The following CACNA1A variants were observed in gnomAD, a reference collection of about 807,000 sequenced individuals.
CACNA1A encodes the protein voltage-dependent P/Q-type calcium channel subunit alpha-1A.
Under a neutral mutation model 262.4 loss-of-function variants are expected in CACNA1A, and 57 were observed. That is an observed-to-expected ratio of 0.22 (90% CI 0.18 to 0.27). The LOEUF is 0.27. CACNA1A is among the 10% of genes least tolerant of loss of function. The pLI, the probability that CACNA1A is intolerant of heterozygous loss-of-function variation, is 1.00. For missense variants in CACNA1A, 2,526 were observed against 3,562.8 expected (o/e 0.71, Z 7.41); for synonymous variants, 1,431 against 1,419.3 (o/e 1.01, Z -0.18).
chr19:13,403,545 A>G (rs889712736), intron 3 of CACNA1A, among the ~76,000 whole-genome samples: 2 of 152,134 alleles, frequency 1.3e-5, no homozygotes, highest in South Asian at 2.1e-4. Context: ...AACCCAAACC[A>G]GAGGTGTTCA....
chr19:13,506,244 T>C lies in CACNA1A; in HGVS notation c.-20A>G, dbSNP rs887673504. Reference sequence around the variant, plus strand: ...GGCCATTCTGCAAAGAGCAAAGGGCTCCGGGTTACGCTGCGGCGAACGATG... The same window carrying C: ...GGCCATTCTGCAAAGAGCAAAGGGCCCCGGGTTACGCTGCGGCGAACGATG... On this transcript the variant is annotated 5_prime_UTR_variant, in exon 1 of 47. Transcript: ENST00000360228. 3.5e-6 allele frequency: 5 copies of C among 1,438,512 alleles called. No homozygotes were observed. The South Asian group carries it at 4.5e-5, about 13-fold the overall frequency. 89.1% of individuals were successfully genotyped at this position (1,438,512 alleles called of 1,614,324 possible).
chr19:13,467,735 G>GA (rs1461047738), intron 1 of CACNA1A, among the ~76,000 whole-genome samples: 3 of 151,550 alleles, frequency 2.0e-5, no homozygotes, highest in African/African-American at 7.3e-5. Flanking sequence ...CTCCCGAGTA[G>GA]CTGGGATTAC....
intron 8 of CACNA1A, among the ~76,000 whole-genome samples, chr19:13,333,476 C>A (rs1488577864): frequency 6.6e-6 from 1 of 152,090 alleles, no homozygotes; most frequent in East Asian, 1.9e-4. Flanking sequence ...ACTCTGTTGC[C>A]CAGGCTGGAG....
chr19:13,274,620 A>T (rs1422083263), intron 24 of CACNA1A: 3 of 152,254 alleles, frequency 2.0e-5, no homozygotes, highest in Non-Finnish European at 4.4e-5. Context: ...CAACTTCAGG[A>T]ATGTACTGCT....
chr19:13,379,625 A>G (rs1301824388), intron 3 of CACNA1A, among the ~76,000 whole-genome samples: 2 of 152,202 alleles, frequency 1.3e-5, no homozygotes, highest in East Asian at 3.9e-4. Flanking sequence ...CAAACAGTTC[A>G]GTGTTAAAAG....
At chr19:13,239,749 T>G in intron 31 of CACNA1A, among the ~76,000 whole-genome samples, 1 of 147,446 alleles carries the variant, frequency 6.8e-6, no homozygotes, top group Non-Finnish European at 1.5e-5. Flanking sequence ...TGTACTGGAG[T>G]GGGGGTACAG....
intron 45 of CACNA1A, 148 bp downstream of exon 45, chr19:13,209,164 G>T: frequency 3.8e-6 from 5 of 1,319,316 alleles, no homozygotes; most frequent in Admixed American, 2.4e-5. Context: ...TAGTACCCAG[G>T]TTCCTGCAGC....
chr19:13,332,642 T>C (rs1375538856), intron 9 of CACNA1A, among the ~76,000 whole-genome samples: 1 of 151,950 alleles, frequency 6.6e-6, no homozygotes, highest in Non-Finnish European at 1.5e-5. Context: ...ATTTTGCAGA[T>C]GAGAAAAACC....
chr19:13,271,214 G>GTTCTTTTTT (rs2057009044), intron 24 of CACNA1A: 1 of 80,438 alleles, frequency 1.2e-5, no homozygotes, highest in African/African-American at 5.3e-5. Context: ...TCATTCTGCT[G>GTTCTTTTTT]TTTTTTTTTT....
At chr19:13,262,187 G>A (rs2056748913) in intron 25 of CACNA1A, 1 of 156,300 alleles carries the variant, frequency 6.4e-6, no homozygotes, top group Middle Eastern at 3.1e-3. Flanking sequence ...GATTACGGGT[G>A]TGACTTGATT....
At chr19:13,290,095 ATT>A (rs34860973) in intron 19 of CACNA1A, among the ~76,000 whole-genome samples, 18 of 140,244 alleles carry the variant, frequency 1.3e-4, no homozygotes, top group African/African-American at 3.9e-4. Flanking sequence ...CACCCGGCTA[ATT>A]TTTTTTTTTT....
At chr19:13,390,027 G>T (rs1009765044) in intron 3 of CACNA1A, among the ~76,000 whole-genome samples, 4 of 150,966 alleles carry the variant, frequency 2.6e-5, no homozygotes, top group South Asian at 2.1e-4. Context: ...GTTAGCCAGG[G>T]TGGTCTCGAT....
intron 3 of CACNA1A, among the ~76,000 whole-genome samples, chr19:13,439,659 C>T (rs1310791706): frequency 6.6e-6 from 1 of 152,066 alleles, no homozygotes; most frequent in Non-Finnish European, 1.5e-5. Context: ...GATCTGCCCG[C>T]CTCGGCCTCC....
intron 3 of CACNA1A, among the ~76,000 whole-genome samples, chr19:13,388,231 G>C (rs11669811): frequency 7.2e-6 from 1 of 139,300 alleles, no homozygotes; most frequent in Non-Finnish European, 1.5e-5. Flanking sequence ...TTGAAAAAAC[G>C]ATTTCTTCCT....
intron 29 of CACNA1A, among the ~76,000 whole-genome samples, 165 bp downstream of exon 29, chr19:13,254,930 T>A (rs2056504287): frequency 6.7e-6 from 1 of 149,288 alleles, no homozygotes; most frequent in Non-Finnish European, 1.5e-5. Flanking sequence ...GCCGGGGGAG[T>A]GGTGGGAACA....
At chr19:13,466,911 T>TATTTATTTATTTA (rs1489312586) in intron 1 of CACNA1A, among the ~76,000 whole-genome samples, 3 of 151,782 alleles carry the variant, frequency 2.0e-5, no homozygotes, top group Non-Finnish European at 4.4e-5. Flanking sequence ...TTTATTTATT[T>TATTTATTTATTTA]ATTTGTAGAG....
chr19:13,298,694 C>A lies in CACNA1A; in HGVS notation c.2939G>T (p.Arg980Leu). Reference sequence around the variant, plus strand: ...GCCCCGGGCCGGCCGGCTGCCCTCGCGGTGCCGCGCCCTCCGCTCCGCCTT... The same window carrying A: ...GCCCCGGGCCGGCCGGCTGCCCTCGAGGTGCCGCGCCCTCCGCTCCGCCTT... ...EDKAERRARH[R>L]EGSRPARGGE... Residue 980 changes from arginine (R) to leucine (L), a missense_variant, in exon 19 of 47, where the codon CGC becomes CTC. Physicochemically the swap from Arg to Leu is moderately radical, Grantham distance 102. Coordinates refer to ENST00000360228, the MANE Select transcript of CACNA1A (RefSeq NM_001127222.2). The A allele has an allele frequency of 6.9e-7, 1 of 1,443,110 alleles. No individual in the cohort carries two copies. The highest frequency in any genetic ancestry group is 1.5e-5 in the South Asian group (1 of 68,894). The allele number at this position is 1,443,110 out of a possible 1,614,324, so 89.4% of individuals were successfully genotyped here.
chr19:13,500,623 T>C (rs1245414370), intron 1 of CACNA1A, among the ~76,000 whole-genome samples: 1 of 152,190 alleles, frequency 6.6e-6, no homozygotes, highest in Non-Finnish European at 1.5e-5. Flanking sequence ...GAAAACAGTT[T>C]GAGAGCCTCT....
At chr19:13,402,887 T>C (rs77786986) in intron 3 of CACNA1A, among the ~76,000 whole-genome samples, 3,176 of 94,660 alleles carry the variant, frequency 0.034, 138 homozygotes, top group African/African-American at 0.13. Context: ...TATATATATA[T>C]ATATATATAT....
Sources: allele counts gnomAD v4.1 joint callset (sites outside exome capture counted in the v4.1 genomes callset), GRCh38; gene constraint gnomAD v4.1.1; transcripts MANE v1.5; gene names NCBI Gene and HGNC (gene_info 2026-07-23, HGNC 2026-07-21).